Variants in CNTNAP4 observed in about 807,000 individuals in gnomAD.
The protein encoded by CNTNAP4 is contactin associated protein family member 4.
Under a neutral mutation model 148.4 loss-of-function variants are expected in CNTNAP4, and 98 were observed. That is an observed-to-expected ratio of 0.66 (90% confidence interval 0.56 to 0.78). The LOEUF (loss-of-function observed/expected upper bound fraction) is 0.78. Among genes scored for constraint, CNTNAP4 ranks in the 30% least tolerant of loss-of-function variants. The pLI is 0.00. For synonymous variants in CNTNAP4, 730 were observed against 565.1 expected, an observed-to-expected ratio of 1.29 and a Z score of -4.14; for missense variants, 1,935 against 1,565.6, an observed-to-expected ratio of 1.24 and a Z score of -3.98.
rs187615635 is a variant in CNTNAP4 at position 76,427,466 on chromosome 16, T to C, written c.405T>C (p.Asn135=). 1.2e-5 allele frequency: 20 copies of C among 1,604,788 alleles called. No homozygotes were observed. In the African/African-American group the frequency reaches 2.0e-4, roughly 16 times the overall value. Residue 135 remains asparagine (N), a synonymous_variant, in exon 4 of 24, where the codon AAT becomes AAC. Coordinates refer to ENST00000611870, the MANE Select transcript of CNTNAP4 (RefSeq NM_033401.5). ...TTTTCTTTTAGGGTTTTTCAGGAAA[T>C]GCAAATGCAGACAGTGTTGTGTACT... The part of the protein sequence containing the change: ...QEDSIWGFSG[N]ANADSVVYYR...
chr16:76,395,257 C>T (rs1253694409), intron 3 of CNTNAP4, among the ~76,000 whole-genome samples: 3 of 147,008 alleles, frequency 2.0e-5, no homozygotes, highest in African/African-American at 7.4e-5. Context: ...TACCACTTAT[C>T]AGGCCAAAGA....
intron 1 of CNTNAP4, among the ~76,000 whole-genome samples, chr16:76,289,779 C>G (rs2143817433): frequency 6.6e-6 from 1 of 152,138 alleles, no homozygotes. Flanking sequence ...CCATGTTGGT[C>G]AAGCTGGTCT....
At chr16:76,377,765 A>T (rs1250749239) in intron 3 of CNTNAP4, among the ~76,000 whole-genome samples, 2 of 152,208 alleles carry the variant, frequency 1.3e-5, no homozygotes, top group Non-Finnish European at 2.9e-5. Context: ...ACAAGGAAGA[A>T]ATAAAAATTC....
At chr16:76,555,250 T>C (rs1267739779) in intron 23 of CNTNAP4, among the ~76,000 whole-genome samples, 1 of 152,130 alleles carries the variant, frequency 6.6e-6, no homozygotes, top group Admixed American at 6.5e-5. Flanking sequence ...GGATATTAAC[T>C]CCCCCATGCT....
chr16:76,454,057 C>A (rs2080624739), intron 8 of CNTNAP4, among the ~76,000 whole-genome samples: 1 of 151,662 alleles, frequency 6.6e-6, no homozygotes, highest in Admixed American at 6.6e-5. Flanking sequence ...CTTAAAGAAA[C>A]CGCTTCAGTG....
rs532832608 is a variant in CNTNAP4 at position 76,288,759 on chromosome 16, A to G, written c.85+11012A>G. On this transcript the variant is annotated intron_variant, in intron 1 of 23. Coordinates refer to ENST00000611870, the MANE Select transcript of CNTNAP4 (RefSeq NM_033401.5). ...AGCATATTCAGTAAATGGGAAAACA[A>G]TACGTTGATGGATGATAATTTGTAT... is the stretch of plus-strand genomic sequence containing the variant. 1.3e-4 allele frequency among the ~76,000 whole-genome samples: 20 copies of G among 152,348 alleles called. 1 individual carries two copies. The South Asian group carries it at 3.5e-3, about 27-fold the overall frequency.
intron 3 of CNTNAP4, among the ~76,000 whole-genome samples, chr16:76,397,834 G>T (rs1457743116): frequency 1.4e-5 from 2 of 143,934 alleles, no homozygotes; most frequent in African/African-American, 2.6e-5. Context: ...GAAGGAAAGA[G>T]ATTTCATGCT....
chr16:76,494,737 G>GTT, intron 13 of CNTNAP4, among the ~76,000 whole-genome samples, 173 bp from the exon 14 acceptor site: 1 of 151,870 alleles, frequency 6.6e-6, no homozygotes, highest in Non-Finnish European at 1.5e-5. Flanking sequence ...TAAAAAAAGT[G>GTT]TTCTTAAGGA....
rs144158563 is a variant in CNTNAP4, at chr16:76,358,473, C to T, written c.390+2962C>T. Among the ~76,000 whole-genome samples the T allele has an allele frequency of 2.6e-5, 4 of 152,288 alleles. No homozygotes were observed. The South Asian group carries it at 6.2e-4, about 24-fold the overall frequency. ...TTGGAAATGGACAGAATATGGAGAT[C>T]ATTGTAAGCTGAATTTGTCAAAGTA... On this transcript the variant is annotated intron_variant, in intron 3 of 23. Coordinates refer to ENST00000611870, the MANE Select transcript of CNTNAP4 (RefSeq NM_033401.5).
intron 2 of CNTNAP4, among the ~76,000 whole-genome samples, chr16:76,344,129 C>A (rs546368304): frequency 5.9e-5 from 9 of 152,224 alleles, no homozygotes; most frequent in African/African-American, 2.2e-4. Context: ...TATTGTAGAA[C>A]ACATCTGTTA....
chr16:76,419,925 C>G (rs2079119404), intron 3 of CNTNAP4, among the ~76,000 whole-genome samples: 1 of 152,016 alleles, frequency 6.6e-6, no homozygotes, highest in South Asian at 2.1e-4. Flanking sequence ...AAGGCCCCAC[C>G]TCATGACCTT....
At chr16:76,429,358 T>C (rs9923525) in intron 4 of CNTNAP4, among the ~76,000 whole-genome samples, 32,431 of 152,130 alleles carry the variant, frequency 0.21, 3,840 homozygotes, top group East Asian at 0.37. Context: ...TCTCCACTTA[T>C]TCAGAACATC....
chr16:76,473,143 A>G (rs1282016405), intron 10 of CNTNAP4, among the ~76,000 whole-genome samples: 1 of 152,170 alleles, frequency 6.6e-6, no homozygotes, highest in Non-Finnish European at 1.5e-5. Context: ...ATAAATCCTG[A>G]CACATTTTTA....
chr16:76,532,360 G>T (rs1455274148), intron 17 of CNTNAP4, among the ~76,000 whole-genome samples: 1 of 152,094 alleles, frequency 6.6e-6, no homozygotes, highest in East Asian at 1.9e-4. Flanking sequence ...ATGGACCTGT[G>T]GACCAATCTT....
At chr16:76,327,412 C>A (rs935393160) in intron 2 of CNTNAP4, among the ~76,000 whole-genome samples, 2 of 152,102 alleles carry the variant, frequency 1.3e-5, no homozygotes, top group Non-Finnish European at 2.9e-5. Context: ...ATGTAGTATT[C>A]CATGGTGTGT....
intron 1 of CNTNAP4, among the ~76,000 whole-genome samples, chr16:76,288,523 T>C (rs1958981130): frequency 1.3e-5 from 2 of 152,160 alleles, no homozygotes; most frequent in Non-Finnish European, 2.9e-5. Flanking sequence ...CTCATCTCCT[T>C]TGTCCATGGA....
intron 3 of CNTNAP4, among the ~76,000 whole-genome samples, chr16:76,383,158 T>C (rs2144712962): frequency 6.6e-6 from 1 of 151,852 alleles, no homozygotes; most frequent in Non-Finnish European, 1.5e-5. Flanking sequence ...TAACCAAATA[T>C]TTAATGAAAG....
At chr16:76,417,885 T>C (rs2079044265) in intron 3 of CNTNAP4, among the ~76,000 whole-genome samples, 2 of 151,674 alleles carry the variant, frequency 1.3e-5, no homozygotes, top group Non-Finnish European at 3.0e-5. Flanking sequence ...GTAGTTTTAT[T>C]TTTACTTCTT....
intron 21 of CNTNAP4, among the ~76,000 whole-genome samples, chr16:76,545,698 A>G (rs573865592): frequency 6.6e-6 from 1 of 152,322 alleles, no homozygotes; most frequent in South Asian, 2.1e-4. Flanking sequence ...TTTCAAAAAT[A>G]AAAAGGAGAA....
Sources: allele counts gnomAD v4.1 joint callset (sites outside exome capture counted in the v4.1 genomes callset), GRCh38; gene constraint gnomAD v4.1.1; transcripts MANE v1.5; gene names NCBI Gene and HGNC (gene_info 2026-07-23, HGNC 2026-07-21).